EPS8: variants seen among roughly 807,000 people sequenced by gnomAD.
The protein encoded by EPS8 is epidermal growth factor receptor kinase substrate 8.
Under a neutral mutation model 103.8 loss-of-function variants are expected in EPS8, and 42 were observed. That is an observed-to-expected ratio of 0.40 (90% CI 0.32 to 0.52). EPS8 has a LOEUF of 0.52. Ranked by LOEUF, EPS8 falls within the 20% of genes least tolerant of loss-of-function variation. The pLI is 0.40. For missense variants in EPS8, 969 were observed against 1,005.1 expected (o/e 0.96, Z 0.49); for synonymous variants, 344 against 344.6 (o/e 1.00, Z 0.02).
At chr12:15,676,476 G>T (rs1022763411) in intron 3 of EPS8, among the ~76,000 whole-genome samples, 1 of 151,974 alleles carries the variant, frequency 6.6e-6, no homozygotes, top group African/African-American at 2.4e-5. Context: ...TGAATGATTT[G>T]GTGTAAAGGT....
chr12:15,694,876 A>T (rs1163038397), intron 1 of EPS8, among the ~76,000 whole-genome samples: 3 of 152,208 alleles, frequency 2.0e-5, no homozygotes, highest in Non-Finnish European at 4.4e-5. Context: ...GTGAAATTAT[A>T]ATAGAAGTTC....
rs201697269 is a variant in EPS8 at position 15,713,109 on chromosome 12, AT to A, written c.-21-30138del. Reference sequence around the variant, plus strand: ...ACACTTCCAACTCTTGCCTAAGATGATTTTTTTTTTAAGTTTTAAATGGTGA... The same window carrying A: ...ACACTTCCAACTCTTGCCTAAGATGATTTTTTTTTAAGTTTTAAATGGTGA... On this transcript the variant is annotated intron_variant, in intron 1 of 20. Coordinates refer to ENST00000281172, the MANE Select transcript of EPS8 (RefSeq NM_004447.6). The surrounding 1 kb of genome is among the most constrained non-coding windows in gnomAD (Gnocchi z 4.8). The A allele has an allele frequency of 0.053, 23,479 of 445,090 alleles. 748 individuals carry two copies. The highest frequency in any genetic ancestry group is 0.059 in the Non-Finnish European group (19,844 of 336,812). 27.6% of individuals were successfully genotyped at this position (445,090 alleles called of 1,614,324 possible). A position where few individuals can be genotyped will look rare whatever the true frequency, so the allele number is the denominator to read the frequency against.
chr12:15,726,682 A>G (rs1440160719), intron 1 of EPS8, among the ~76,000 whole-genome samples: 1 of 152,198 alleles, frequency 6.6e-6, no homozygotes, highest in East Asian at 1.9e-4. Context: ...GCAAATTTTG[A>G]AATGACAATC....
intron 1 of EPS8, among the ~76,000 whole-genome samples, chr12:15,783,715 T>TAA (rs34686335): frequency 1.8e-4 from 17 of 95,354 alleles, no homozygotes; most frequent in South Asian, 3.3e-4. Flanking sequence ...TCTGAGTTAG[T>TAA]AAAAAAAAAA....
chr12:15,713,623 A>T lies in EPS8; in HGVS notation c.-21-30651T>A, dbSNP rs1946495652. Among the ~76,000 whole-genome samples the T allele has an allele frequency of 6.6e-6, 1 of 152,218 alleles. No individual in the cohort carries two copies. Among genetic ancestry groups the T allele is most frequent in the Non-Finnish European group, 1.5e-5 (1 of 68,042 alleles). ...GGATTTCCAGCCCCATTAAACCTTC[A>T]CAACTCTAAAGCAGTCCTGATACTT... On this transcript the variant is annotated intron_variant, in intron 1 of 20. Transcript: ENST00000281172. The surrounding 1 kb of genome is among the most constrained non-coding windows in gnomAD (Gnocchi z 4.8).
chr12:15,735,136 T>C lies in EPS8; in HGVS notation c.-21-52164A>G, dbSNP rs763669432. 1.1e-4 allele frequency among the ~76,000 whole-genome samples: 16 copies of C among 152,204 alleles called. No individual in the cohort carries two copies. Among genetic ancestry groups the C allele is most frequent in the Non-Finnish European group, 2.1e-4 (14 of 68,038 alleles). On this transcript the variant is annotated intron_variant, in intron 1 of 20. Transcript: ENST00000281172. The surrounding 1 kb of genome is among the most constrained non-coding windows in gnomAD (Gnocchi z 4.4). ...TTTCCAAAGAAACAGTAGACTGATT[T>C]AAGTATACTAATTTTTCTACAAATG...
Position 15,706,855 on chromosome 12 carries a change from T to G in EPS8, c.-21-23883A>C, listed in dbSNP as rs955646736. Among the ~76,000 whole-genome samples, 1 of 152,208 alleles carries G rather than the reference T, an allele frequency of 6.6e-6. No homozygotes were observed. Among genetic ancestry groups the G allele is most frequent in the Non-Finnish European group, 1.5e-5 (1 of 68,042 alleles). ...CAAGTTTTTTTTCTATTTTACATACTAACTAAATTTATACAAATGCCCATA... is the reference window on the plus strand; with the variant it reads ...CAAGTTTTTTTTCTATTTTACATACGAACTAAATTTATACAAATGCCCATA... On this transcript the variant is annotated intron_variant, in intron 1 of 20. Transcript: ENST00000281172. The surrounding 1 kb of genome is among the most constrained non-coding windows in gnomAD (Gnocchi z 5.2).
rs1467898395 is a variant in EPS8, at chr12:15,702,590, G to A, written c.-21-19618C>T. Among the ~76,000 whole-genome samples the A allele has an allele frequency of 2.0e-5, 3 of 151,846 alleles. 1 individual carries two copies. The highest frequency in any genetic ancestry group is 2.1e-4 in the South Asian group (1 of 4,816). ...TGAAGAAAAAAAATGCATGCTTAAT[G>A]TTTTTACCTATCTCTAAAACATATA... On this transcript the variant is annotated intron_variant, in intron 1 of 20. Transcript: ENST00000281172. The surrounding 1 kb of genome is among the most constrained non-coding windows in gnomAD (Gnocchi z 5.1).
At chr12:15,756,750 T>C (rs1470593712) in intron 1 of EPS8, among the ~76,000 whole-genome samples, 1 of 152,202 alleles carries the variant, frequency 6.6e-6, no homozygotes, top group Non-Finnish European at 1.5e-5. Context: ...ATTTGGAACA[T>C]GACAGATCTA....
At chr12:15,765,861 T>A (rs1947089006) in intron 1 of EPS8, among the ~76,000 whole-genome samples, 1 of 149,778 alleles carries the variant, frequency 6.7e-6, no homozygotes, top group Non-Finnish European at 1.5e-5. Flanking sequence ...TCGCCCAGGC[T>A]GGAGTACAGT....
rs1027513027 is a variant in EPS8 at position 15,779,345 on chromosome 12, T to C, written c.-22+9816A>G. Among the ~76,000 whole-genome samples the C allele has an allele frequency of 6.6e-6, 1 of 152,220 alleles. No homozygotes were observed. Among genetic ancestry groups the C allele is most frequent in the Non-Finnish European group, 1.5e-5 (1 of 68,030 alleles). ...TTCTATCTCTATCATCAAAAGTATATCTTTCTTTAAATTCTAAAAGAGCAC... is the reference window on the plus strand; with the variant it reads ...TTCTATCTCTATCATCAAAAGTATACCTTTCTTTAAATTCTAAAAGAGCAC... On this transcript the variant is annotated intron_variant, in intron 1 of 20. Coordinates refer to ENST00000281172, the MANE Select transcript of EPS8 (RefSeq NM_004447.6). The surrounding 1 kb of genome is among the most constrained non-coding windows in gnomAD (Gnocchi z 4.3).
chr12:15,697,312 T>C lies in EPS8; in HGVS notation c.-21-14340A>G, dbSNP rs1157038693. On this transcript the variant is annotated intron_variant, in intron 1 of 20. Coordinates refer to ENST00000281172, the MANE Select transcript of EPS8 (RefSeq NM_004447.6). The surrounding 1 kb of genome is among the most constrained non-coding windows in gnomAD (Gnocchi z 5.6). Reference sequence around the variant, plus strand: ...TCCCCCATTCTAAGCCAAATGGTGGTACAAAATCAGGGCATGAAGGAAAAC... The same window carrying C: ...TCCCCCATTCTAAGCCAAATGGTGGCACAAAATCAGGGCATGAAGGAAAAC... Among the ~76,000 whole-genome samples, 1 of 152,202 alleles carries C rather than the reference T, an allele frequency of 6.6e-6. No homozygotes were observed. Among genetic ancestry groups the C allele is most frequent in the East Asian group, 1.9e-4 (1 of 5,190 alleles).
chr12:15,675,912 TTTG>T (rs1163473704), intron 3 of EPS8, among the ~76,000 whole-genome samples: 2 of 152,082 alleles, frequency 1.3e-5, no homozygotes, highest in Non-Finnish European at 2.9e-5. Context: ...CCTCTGAGCG[TTTG>T]TTAGAGATGC....
rs1053561605 is a variant in EPS8 at position 15,734,352 on chromosome 12, G to T, written c.-21-51380C>A. ...TATAAGATGGCCCTGTTTTACTACTGTTCCAGGGGCATTAGGCTACAATAA... is the reference window on the plus strand; with the variant it reads ...TATAAGATGGCCCTGTTTTACTACTTTTCCAGGGGCATTAGGCTACAATAA... On this transcript the variant is annotated intron_variant, in intron 1 of 20. Transcript: ENST00000281172. This position sits in a 1 kb window ranked among gnomAD's most constrained non-coding sequence, Gnocchi z 4.1. Among the ~76,000 whole-genome samples the T allele has an allele frequency of 4.6e-5, 7 of 152,006 alleles. No individual in the cohort carries two copies. Among genetic ancestry groups the T allele is most frequent in the Non-Finnish European group, 1.5e-5 (1 of 68,026 alleles).
chr12:15,734,314 T>C lies in EPS8; in HGVS notation c.-21-51342A>G, dbSNP rs1946746349. ...TTTCTTCTATTTGTTTGCCAGTTTA[T>C]TCAGAAACAACATATAAGATGGCCC... On this transcript the variant is annotated intron_variant, in intron 1 of 20. Transcript: ENST00000281172. The surrounding 1 kb of genome is among the most constrained non-coding windows in gnomAD (Gnocchi z 4.1). Among the ~76,000 whole-genome samples the C allele has an allele frequency of 6.6e-6, 1 of 152,210 alleles. No homozygotes were observed. Among genetic ancestry groups the C allele is most frequent in the Admixed American group, 6.5e-5 (1 of 15,276 alleles).
chr12:15,779,972 G>A lies in EPS8; in HGVS notation c.-22+9189C>T, dbSNP rs534727858. ...TTGCTATGCTACTAAATGTAAGAAT[G>A]GTTTGAAACAGGACCTCCAATTTCA... is the stretch of plus-strand genomic sequence containing the variant. On this transcript the variant is annotated intron_variant, in intron 1 of 20. Transcript: ENST00000281172. This position sits in a 1 kb window ranked among gnomAD's most constrained non-coding sequence, Gnocchi z 4.3. 1.3e-5 allele frequency: 2 copies of A among 152,044 alleles called. No individual in the cohort carries two copies. The highest frequency in any genetic ancestry group is 4.8e-5 in the African/African-American group (2 of 41,392). 9.4% of individuals were successfully genotyped at this position (152,044 alleles called of 1,614,324 possible). A position where few individuals can be genotyped will look rare whatever the true frequency, so the allele number is the denominator to read the frequency against.
At chr12:15,723,971 T>C (rs778671149) in intron 1 of EPS8, among the ~76,000 whole-genome samples, 1 of 152,192 alleles carries the variant, frequency 6.6e-6, no homozygotes, top group Non-Finnish European at 1.5e-5. Context: ...ATCATTTATA[T>C]AGAGACATCT....
chr12:15,648,148 A>G (rs1945352675), intron 14 of EPS8, among the ~76,000 whole-genome samples: 1 of 152,210 alleles, frequency 6.6e-6, no homozygotes, highest in African/African-American at 2.4e-5. Flanking sequence ...CAGGCCACGC[A>G]CTAGTACTGG....
chr12:15,719,371 T>C (rs1946569586), intron 1 of EPS8, among the ~76,000 whole-genome samples: 1 of 152,208 alleles, frequency 6.6e-6, no homozygotes. Flanking sequence ...ATATAGCTTA[T>C]GTCATCCTTT....
Sources: allele counts gnomAD v4.1 joint callset (sites outside exome capture counted in the v4.1 genomes callset), GRCh38; gene constraint gnomAD v4.1.1; non-coding constraint Gnocchi (gnomAD v3.1); transcripts MANE v1.5; gene names NCBI Gene and HGNC (gene_info 2026-07-23, HGNC 2026-07-21).